The following CSMD1 variants were observed in gnomAD, a reference collection of about 807,000 sequenced individuals.
CSMD1 encodes CUB and sushi domain-containing protein 1.
A neutral mutation model predicts 417.5 loss-of-function variants in CSMD1; 213 were observed. The observed-to-expected ratio is 0.51, with a 90% CI of 0.46 to 0.57. The LOEUF (loss-of-function observed/expected upper bound fraction) is 0.57, where lower values mean the gene tolerates loss of function less well. Among genes scored for constraint, CSMD1 ranks in the 20% least tolerant of loss-of-function variants. The probability of loss-of-function intolerance (pLI) is 0.00; values close to 1 mark genes in which losing one functional copy is unlikely to be tolerated. For missense variants in CSMD1, 6,923 were observed against 4,529.7 expected, an observed-to-expected ratio of 1.53 and a Z score of -15.17; for synonymous variants, 2,862 against 1,736.8, an observed-to-expected ratio of 1.65 and a Z score of -16.11.
intron 3 of CSMD1, among the ~76,000 whole-genome samples, chr8:4,138,070 T>C (rs1171724394): frequency 1.1e-4 from 11 of 103,352 alleles, no homozygotes; most frequent in African/African-American, 3.1e-4. Flanking sequence ...TTTTTTTTTT[T>C]TTTTTTTTTT....
chr8:3,464,547 A>G (rs1816692849), intron 12 of CSMD1, among the ~76,000 whole-genome samples: 1 of 150,552 alleles, frequency 6.6e-6, no homozygotes, highest in African/African-American at 2.4e-5. Context: ...TACTATTTAT[A>G]TGGATTCTAT....
At chr8:4,012,291 A>C (rs1256357856) in intron 4 of CSMD1, among the ~76,000 whole-genome samples, 2 of 152,072 alleles carry the variant, frequency 1.3e-5, no homozygotes, top group African/African-American at 4.8e-5. Flanking sequence ...TCATCATGCC[A>C]GTTTCATTTC....
At chr8:3,989,965 A>C (rs1170589459) in intron 5 of CSMD1, among the ~76,000 whole-genome samples, 1 of 152,218 alleles carries the variant, frequency 6.6e-6, no homozygotes, top group Non-Finnish European at 1.5e-5. Flanking sequence ...AGAAACTCTA[A>C]ATGAAGATAT....
At chr8:3,739,534 A>C (rs1267668114) in intron 6 of CSMD1, among the ~76,000 whole-genome samples, 1 of 152,248 alleles carries the variant, frequency 6.6e-6, no homozygotes, top group Admixed American at 6.5e-5. Context: ...TAATTATTAC[A>C]CGTCAATTGA....
chr8:3,254,298 G>C (rs1471090100), intron 26 of CSMD1, among the ~76,000 whole-genome samples: 4 of 152,080 alleles, frequency 2.6e-5, no homozygotes, highest in Admixed American at 6.6e-5. Flanking sequence ...CTCTCTGGCT[G>C]CCCTTAACAT....
chr8:4,527,650 G>C (rs1563258153), intron 2 of CSMD1, among the ~76,000 whole-genome samples: 2 of 152,154 alleles, frequency 1.3e-5, no homozygotes, highest in Non-Finnish European at 2.9e-5. Flanking sequence ...GATAAAATTT[G>C]AATACTGAAA....
chr8:3,799,173 G>A (rs561378388), intron 5 of CSMD1, among the ~76,000 whole-genome samples: 4 of 151,850 alleles, frequency 2.6e-5, no homozygotes, highest in Admixed American at 2.6e-4. Flanking sequence ...GTATTTATTT[G>A]ACTATCATAA....
At chr8:3,268,289 ATTT>A (rs1163842745) in intron 26 of CSMD1, among the ~76,000 whole-genome samples, 138 of 84,262 alleles carry the variant, frequency 1.6e-3, no homozygotes, top group African/African-American at 5.7e-3. Context: ...TTCATTTCCT[ATTT>A]TTTTTTTTTT....
intron 7 of CSMD1, among the ~76,000 whole-genome samples, chr8:3,632,075 G>C (rs1264769879): frequency 6.6e-6 from 1 of 152,104 alleles, no homozygotes. Flanking sequence ...TTTCTCTTCA[G>C]ATTTTGTTAT....
chr8:4,610,781 G>C (rs1801126227), intron 2 of CSMD1, among the ~76,000 whole-genome samples: 1 of 152,146 alleles, frequency 6.6e-6, no homozygotes. Flanking sequence ...TAACATGGTT[G>C]ATATTGCCTT....
rs1422997545 is a variant in CSMD1, at chr8:3,345,344, C to A, written c.3475-1894G>T. Among the ~76,000 whole-genome samples the A allele has an allele frequency of 2.6e-5, 4 of 152,246 alleles. No homozygotes were observed. In the Middle Eastern group the frequency reaches 0.01, roughly 388 times the overall value. On this transcript the variant is annotated intron_variant, in intron 22 of 69. Transcript: ENST00000635120. ...CGTAAGATTCTTCAGAACAACAATT[C>A]TGCGTTCTTTATCCATGTCATCAGC...
At chr8:3,371,658 A>G (rs982087536) in intron 18 of CSMD1, among the ~76,000 whole-genome samples, 3 of 152,198 alleles carry the variant, frequency 2.0e-5, no homozygotes, top group African/African-American at 7.2e-5. Context: ...TCACAAAAGA[A>G]TTAGATAATC....
chr8:3,384,179 GAAAT>G (rs1810820025), intron 18 of CSMD1, among the ~76,000 whole-genome samples: 1 of 152,098 alleles, frequency 6.6e-6, no homozygotes, highest in Non-Finnish European at 1.5e-5. Flanking sequence ...TATACTTGTA[GAAAT>G]AAATAAATAT....
At chr8:2,996,686 G>A (rs1806927932) in intron 54 of CSMD1, among the ~76,000 whole-genome samples, 1 of 152,186 alleles carries the variant, frequency 6.6e-6, no homozygotes, top group Non-Finnish European at 1.5e-5. Flanking sequence ...CAAAAAGATT[G>A]AATTATGCTA....
chr8:3,463,343 TG>T (rs1486250686), intron 12 of CSMD1, among the ~76,000 whole-genome samples: 1 of 152,042 alleles, frequency 6.6e-6, no homozygotes, highest in African/African-American at 2.4e-5. Context: ...GTCAAGCCCT[TG>T]GAAAAAAATG....
intron 3 of CSMD1, among the ~76,000 whole-genome samples, chr8:4,188,595 C>T (rs1439331852): frequency 6.6e-6 from 1 of 152,092 alleles, no homozygotes; most frequent in African/African-American, 2.4e-5. Flanking sequence ...CTACAGTTCA[C>T]TGCAAGCTTA....
At chr8:4,264,497 TA>T (rs1167188060) in intron 3 of CSMD1, among the ~76,000 whole-genome samples, 1 of 152,170 alleles carries the variant, frequency 6.6e-6, no homozygotes, top group African/African-American at 2.4e-5. Flanking sequence ...GTTTACAAGC[TA>T]ATGTGTACCC....
At chr8:4,564,561 C>A (rs190618739) in intron 2 of CSMD1, among the ~76,000 whole-genome samples, 9 of 152,226 alleles carry the variant, frequency 5.9e-5, no homozygotes, top group South Asian at 4.1e-4. Context: ...ATTTTATAAG[C>A]ATAAATACTG....
intron 49 of CSMD1, among the ~76,000 whole-genome samples, chr8:3,078,173 T>C (rs555993698): frequency 1.3e-5 from 2 of 152,226 alleles, no homozygotes; most frequent in African/African-American, 4.8e-5. Context: ...TAAAATATTA[T>C]TACTTTGCAT....
Sources: gnomAD v4.1 joint callset for allele counts (sites outside exome capture counted in the v4.1 genomes callset) on GRCh38, gnomAD v4.1.1 for gene constraint, MANE v1.5 for transcripts, NCBI Gene and HGNC (gene_info 2026-07-23, HGNC 2026-07-21) for gene names.